LOXHD1: variants seen among roughly 807,000 people sequenced by gnomAD.
LOXHD1 encodes the protein lipoxygenase homology domain-containing protein 1.
Under a neutral mutation model 248.2 loss-of-function variants are expected in LOXHD1, and 205 were observed. The observed-to-expected ratio is 0.83, with a 90% CI of 0.74 to 0.93. The LOEUF is 0.93. LOXHD1 is among the 40% of genes least tolerant of loss of function. The pLI is 0.00. For synonymous variants in LOXHD1, 1,113 were observed against 1,162.8 expected, an observed-to-expected ratio of 0.96 and a Z score of 0.87; for missense variants, 2,930 against 2,971.6, an observed-to-expected ratio of 0.99 and a Z score of 0.33.
rs727503140 is a variant in LOXHD1, at chr18:46,533,256, A to C, written c.4281T>G (p.Ile1427Met). 2 of 1,551,608 alleles carry C rather than the reference A, an allele frequency of 1.3e-6. No homozygotes were observed. Among genetic ancestry groups the C allele is most frequent in the African/African-American group, 2.7e-5 (2 of 73,024 alleles). The change falls in exon 28 of 41, where the codon ATT becomes ATG. Residue 1427 changes from isoleucine (I) to methionine (M), a missense_variant. By Grantham distance (10) the Ile-to-Met change is conservative. Transcript: ENST00000642948. Reference protein sequence around the residue: ...LATSEDDKKTIRELVPYDIFT... With the variant: ...LATSEDDKKTMRELVPYDIFT... ...AGATGTCATATGGAACCAGTTCTCG[A>C]ATGGTCTTTTTGTCATCCTCAGAGG...
chr18:46,556,997 A>T (rs2037366877), intron 21 of LOXHD1, among the ~76,000 whole-genome samples: 1 of 141,600 alleles, frequency 7.1e-6, no homozygotes, highest in Admixed American at 7.1e-5. Context: ...TCTCATTTTC[A>T]GATGTCACCC....
intron 21 of LOXHD1, among the ~76,000 whole-genome samples, chr18:46,557,083 T>A: frequency 6.7e-6 from 1 of 150,080 alleles, no homozygotes; most frequent in African/African-American, 2.5e-5. Context: ...ACCTGCACCC[T>A]CAGACATAAC....
At chr18:46,654,266 T>C (rs1451900217) in intron 1 of LOXHD1, among the ~76,000 whole-genome samples, 4 of 152,258 alleles carry the variant, frequency 2.6e-5, no homozygotes, top group Non-Finnish European at 4.4e-5. Context: ...TATTCTGGCA[T>C]AGCAGCACCA....
At chr18:46,604,058 GGCAGAAAGT>G in intron 7 of LOXHD1, 39 bp downstream of exon 7, 1 of 1,550,110 alleles carries the variant, frequency 6.5e-7, no homozygotes, top group East Asian at 2.4e-5. Context: ...GCGACCCTTA[GGCAGAAAGT>G]GAAATACCCA....
chr18:46,554,389 GT>G (rs1286781734), intron 21 of LOXHD1, among the ~76,000 whole-genome samples: 1 of 152,152 alleles, frequency 6.6e-6, no homozygotes, highest in Admixed American at 6.5e-5. Flanking sequence ...GCTCATAAAG[GT>G]CATGGAGAGC....
chr18:46,568,572 G>A (rs959210340), intron 16 of LOXHD1, among the ~76,000 whole-genome samples: 1 of 152,138 alleles, frequency 6.6e-6, no homozygotes, highest in African/African-American at 2.4e-5. Flanking sequence ...TGAGGGTAGG[G>A]CTTCTGTCTG....
In LOXHD1 at chr18:46,543,259, A is replaced by G. The variant is rs552689440; in HGVS notation, c.3620-404T>C. On this transcript the variant is annotated intron_variant, in intron 23 of 40. Transcript: ENST00000642948. ...GCTTAGCTCTCTTTTATAAGTGAGA[A>G]CATTCAGTATTTGGTTTCTCCATTC... 2.9e-4 allele frequency among the ~76,000 whole-genome samples: 44 copies of G among 152,350 alleles called. No homozygotes were observed. In the South Asian group the frequency reaches 5.8e-3, roughly 20 times the overall value.
At chr18:46,525,035 T>C (rs1356442151) in intron 29 of LOXHD1, 118 bp from the exon 30 acceptor site, 1 of 1,204,842 alleles carries the variant, frequency 8.3e-7, no homozygotes, top group Non-Finnish European at 1.2e-6. Flanking sequence ...AGACCTTCTT[T>C]GCTGGGGAGC....
intron 37 of LOXHD1, among the ~76,000 whole-genome samples, chr18:46,496,074 C>T (rs2033847251): frequency 6.6e-6 from 1 of 152,100 alleles, no homozygotes; most frequent in African/African-American, 2.4e-5. Flanking sequence ...GGTGACATGA[C>T]ATGAAGTTTA....
Position 46,477,696 on chromosome 18 carries a change from G to A in LOXHD1, c.6598C>T (p.Arg2200Trp), listed in dbSNP as rs775258656. 31 of 1,551,762 alleles carry A rather than the reference G, an allele frequency of 2.0e-5. No homozygotes were observed. In the African/African-American group the frequency reaches 3.1e-4, roughly 16 times the overall value. The change falls in exon 41 of 41, where the codon CGG becomes TGG. Residue 2200 changes from arginine (R) to tryptophan (W), a missense_variant. Transcript: ENST00000642948. ...AGGAAGAAGCGGTCTGTGCTGCCCC[G>A]CTCGAAGAGGTTGCGCATTTTCTGC... ...LKQKMRNLFE[R>W]GSTDRFFLET...
In LOXHD1 at chr18:46,610,697, A is replaced by G. The variant is rs1212815710; in HGVS notation, c.759+79T>C. 4.2e-6 allele frequency: 6 copies of G among 1,437,744 alleles called. No individual in the cohort carries two copies. The African/African-American group carries it at 7.2e-5, about 17-fold the overall frequency. 89.1% of individuals were successfully genotyped at this position (1,437,744 alleles called of 1,614,324 possible). A position where few individuals can be genotyped will look rare whatever the true frequency, so the allele number is the denominator to read the frequency against. Reference sequence around the variant, plus strand: ...GATGGACCTAGAGAGGAAAGTTGGGACTGAGATACAACCCTCTGAAGAACA... The same window carrying G: ...GATGGACCTAGAGAGGAAAGTTGGGGCTGAGATACAACCCTCTGAAGAACA... On this transcript the variant is annotated intron_variant, in intron 6 of 40. Coordinates refer to ENST00000642948, the MANE Select transcript of LOXHD1 (RefSeq NM_001384474.1).
chr18:46,557,325 ACCCCTCCCT>A, intron 21 of LOXHD1, 22 bp downstream of exon 21: 1 of 1,546,470 alleles, frequency 6.5e-7, no homozygotes, highest in Non-Finnish European at 8.7e-7. Flanking sequence ...TCAGAGCAAC[ACCCCTCCCT>A]GCCCACTGCC....
At chr18:46,615,666 C>T (rs1020512359) in intron 5 of LOXHD1, among the ~76,000 whole-genome samples, 5 of 152,168 alleles carry the variant, frequency 3.3e-5, no homozygotes, top group African/African-American at 1.2e-4. Context: ...GTATTCTCTA[C>T]CAGTTGGATG....
chr18:46,588,012 T>C (rs774496953), intron 12 of LOXHD1, among the ~76,000 whole-genome samples: 42 of 152,172 alleles, frequency 2.8e-4, no homozygotes, highest in Middle Eastern at 3.2e-3. Flanking sequence ...TTTAAATTGG[T>C]ATTTACTCAT....
At chr18:46,497,798 T>A (rs1441997074) in intron 37 of LOXHD1, among the ~76,000 whole-genome samples, 1 of 152,202 alleles carries the variant, frequency 6.6e-6, no homozygotes, top group African/African-American at 2.4e-5. Flanking sequence ...ATATGTCGAC[T>A]GTTCTGGGAG....
chr18:46,528,002 C>G (rs542695844), intron 29 of LOXHD1, among the ~76,000 whole-genome samples: 2 of 152,188 alleles, frequency 1.3e-5, no homozygotes, highest in African/African-American at 4.8e-5. Flanking sequence ...CTCTGACTCA[C>G]GGGGTCACCA....
At chr18:46,588,675 A>T (rs1028802411) in intron 12 of LOXHD1, among the ~76,000 whole-genome samples, 1 of 152,062 alleles carries the variant, frequency 6.6e-6, no homozygotes, top group African/African-American at 2.4e-5. Context: ...CAGCATTCAC[A>T]CTTCAAGACC....
At chr18:46,607,470 CAT>C (rs534657371) in intron 6 of LOXHD1, among the ~76,000 whole-genome samples, 8 of 149,368 alleles carry the variant, frequency 5.4e-5, no homozygotes, top group East Asian at 2.0e-4. Context: ...TAATATGATA[CAT>C]ATATATAGGT....
intron 21 of LOXHD1, among the ~76,000 whole-genome samples, chr18:46,553,217 C>A (rs2037179947): frequency 6.6e-6 from 1 of 152,212 alleles, no homozygotes; most frequent in African/African-American, 2.4e-5. Context: ...CTCTCATTGC[C>A]AAGGGGAAAG....
Sources: allele counts gnomAD v4.1 joint callset (sites outside exome capture counted in the v4.1 genomes callset), GRCh38; gene constraint gnomAD v4.1.1; transcripts MANE v1.5; gene names NCBI Gene and HGNC (gene_info 2026-07-23, HGNC 2026-07-21).